LEPROT: variants seen among roughly 807,000 people sequenced by gnomAD.
The protein encoded by LEPROT is leptin receptor overlapping transcript.
LEPROT carries 3 observed loss-of-function variants against 15.4 expected under a neutral mutation model. The observed-to-expected ratio is 0.19, with a 90% CI of 0.09 to 0.50. The LOEUF is 0.50. LEPROT is among the 20% of genes least tolerant of loss of function. LEPROT has a pLI of 0.97. For synonymous variants in LEPROT, 59 were observed against 57.5 expected (o/e 1.03, Z -0.12); for missense variants, 137 against 162.2 (o/e 0.84, Z 0.84).
At chr1:65,429,758 C>A in intron 2 of LEPROT, 104 bp from the exon 3 acceptor site, 1 of 1,007,226 alleles carries the variant, frequency 9.9e-7, no homozygotes, top group Non-Finnish European at 1.4e-6. Flanking sequence ...AATTTTTTGA[C>A]CTAAACATTT....
chr1:65,435,244 C>T lies in LEPROT; in HGVS notation c.*3325C>T. 2 of 985,000 alleles carry T rather than the reference C, an allele frequency of 2.0e-6. No homozygotes were observed. The highest frequency in any genetic ancestry group is 2.4e-6 in the Non-Finnish European group (2 of 829,580). 61.0% of individuals were successfully genotyped at this position (985,000 alleles called of 1,614,324 possible). ...TCTTACTGTCCTAAGGAAGTCCTTACCTCTGAGGTATCTCCTCAATGAATA... is the reference window on the plus strand; with the variant it reads ...TCTTACTGTCCTAAGGAAGTCCTTATCTCTGAGGTATCTCCTCAATGAATA... On this transcript the variant is annotated 3_prime_UTR_variant, in exon 4 of 4. Coordinates refer to ENST00000371065, the MANE Select transcript of LEPROT (RefSeq NM_017526.5).
Position 65,426,562 on chromosome 1 carries a change from G to T in LEPROT, c.92+1184G>T, listed in dbSNP as rs112789636. On this transcript the variant is annotated intron_variant, in intron 2 of 3. Coordinates refer to ENST00000371065, the MANE Select transcript of LEPROT (RefSeq NM_017526.5). The stretch of plus-strand genomic sequence containing the variant: ...ATAAATCAAGCAAAATTGAGGGCTG[G>T]GGCAGTAGGAATGGAAAGAAAAGGA... Among the ~76,000 whole-genome samples the T allele has an allele frequency of 2.4e-3, 365 of 151,642 alleles. 1 individual carries two copies. The highest frequency in any genetic ancestry group is 8.0e-3 in the African/African-American group (331 of 41,490).
chr1:65,428,511 C>G (rs1646423453), intron 2 of LEPROT, among the ~76,000 whole-genome samples: 1 of 152,188 alleles, frequency 6.6e-6, no homozygotes, highest in South Asian at 2.1e-4. Context: ...AGTTTAAAAT[C>G]AGGGGTCCAA....
In LEPROT at chr1:65,433,053, GCAGGGAGGCTGGGCTC is replaced by G. The variant is rs1326529628; in HGVS notation, c.*1135_*1150del. 2 of 985,270 alleles carry G rather than the reference GCAGGGAGGCTGGGCTC, an allele frequency of 2.0e-6. No homozygotes were observed. The highest frequency in any genetic ancestry group is 3.5e-5 in the African/African-American group (2 of 57,228). The allele number at this position is 985,270 out of a possible 1,614,324, so 61.0% of individuals were successfully genotyped here. A position where few individuals can be genotyped will look rare whatever the true frequency, so the allele number is the denominator to read the frequency against. ...GGGGAAGAGCTCCACTGAGATGCGG[GCAGGGAGGCTGGGCTC>G]GAGCCAGCCCCTGCGTTAGCAGGAG... On this transcript the variant is annotated 3_prime_UTR_variant, in exon 4 of 4. Transcript: ENST00000371065.
At chr1:65,426,856 G>A (rs1646384201) in intron 2 of LEPROT, among the ~76,000 whole-genome samples, 1 of 152,264 alleles carries the variant, frequency 6.6e-6, no homozygotes, top group Admixed American at 6.5e-5. Flanking sequence ...AAATTAGCTG[G>A]GCGTGGTGGC....
Position 65,420,710 on chromosome 1 carries a change from C to T in LEPROT, c.-15C>T. ...GCAGGAAGCCGGAAGCAGCCGCGGC[C>T]CCAGTTCGGGAGACATGGCGGGCGT... On this transcript the variant is annotated 5_prime_UTR_variant, in exon 1 of 4. Transcript: ENST00000371065. The T allele has an allele frequency of 2.5e-6, 4 of 1,580,806 alleles. No homozygotes were observed. The highest frequency in any genetic ancestry group is 4.6e-5 in the East Asian group (2 of 43,228).
At position 65,433,552 on chromosome 1, in the gene LEPROT, A is replaced by G; in HGVS notation, c.*1633A>G. 1.0e-6 allele frequency: 1 copy of G among 985,428 alleles called. No homozygotes were observed. The highest frequency in any genetic ancestry group is 1.2e-6 in the Non-Finnish European group (1 of 829,922). The allele number at this position is 985,428 out of a possible 1,614,324, so 61.0% of individuals were successfully genotyped here. ...CTTAATCCTTGAGGCTTGTGATCTG[A>G]GTAATTAGCAGGTATGATGCTGGGA... On this transcript the variant is annotated 3_prime_UTR_variant, in exon 4 of 4. Coordinates refer to ENST00000371065, the MANE Select transcript of LEPROT (RefSeq NM_017526.5).
intron 2 of LEPROT, among the ~76,000 whole-genome samples, chr1:65,428,722 CAG>C (rs2101696073): frequency 6.6e-6 from 1 of 152,004 alleles, no homozygotes; most frequent in Non-Finnish European, 1.5e-5. Flanking sequence ...TAAAAATGAG[CAG>C]AGACTTTTTT....
intron 1 of LEPROT, among the ~76,000 whole-genome samples, 197 bp downstream of exon 1, chr1:65,420,937 C>A (rs1191751043): frequency 6.6e-6 from 1 of 152,178 alleles, no homozygotes; most frequent in Non-Finnish European, 1.5e-5. Flanking sequence ...GGAGCCTTGG[C>A]CCTTTTTGCA....
In LEPROT at chr1:65,434,908, A is replaced by G. The variant is rs2100248204; in HGVS notation, c.*2989A>G. On this transcript the variant is annotated 3_prime_UTR_variant, in exon 4 of 4. Transcript: ENST00000371065. ...CTGAGAAGAAAGCAGATCACACTTCATCACAGAAAGAATGCCTTGTGATTA... is the reference window on the plus strand; with the variant it reads ...CTGAGAAGAAAGCAGATCACACTTCGTCACAGAAAGAATGCCTTGTGATTA... The G allele has an allele frequency of 1.0e-6, 1 of 985,488 alleles. No individual in the cohort carries two copies. The highest frequency in any genetic ancestry group is 1.1e-4 in the East Asian group (1 of 8,818). 61.0% of individuals were successfully genotyped at this position (985,488 alleles called of 1,614,324 possible).
intron 1 of LEPROT, among the ~76,000 whole-genome samples, chr1:65,424,806 C>T (rs992288514): frequency 1.3e-5 from 2 of 152,020 alleles, no homozygotes; most frequent in East Asian, 3.9e-4. Context: ...TTTCTCTCTT[C>T]TTATAAGGGC....
rs1225980676 is a variant in LEPROT, at chr1:65,425,357, G to C, written c.71G>C (p.Gly24Ala). 1 of 1,605,614 alleles carries C rather than the reference G, an allele frequency of 6.2e-7. No individual in the cohort carries two copies. The highest frequency in any genetic ancestry group is 8.5e-7 in the Non-Finnish European group (1 of 1,178,052). ...ATTGGACTGACTTTTCTTATGCTGGGATGTGCCTTAGAGGATTATGGGTAA... is the reference window on the plus strand; with the variant it reads ...ATTGGACTGACTTTTCTTATGCTGGCATGTGCCTTAGAGGATTATGGGTAA... ...GAIGLTFLMLGCALEDYGVYW... is the reference protein window; with the variant it reads ...GAIGLTFLMLACALEDYGVYW... Residue 24 changes from glycine to alanine, a missense_variant, in exon 2 of 4, where the codon GGA becomes GCA. Coordinates refer to ENST00000371065, the MANE Select transcript of LEPROT (RefSeq NM_017526.5).
At chr1:65,421,317 T>C in intron 1 of LEPROT, 1 of 1,529,928 alleles carries the variant, frequency 6.5e-7, no homozygotes, top group Non-Finnish European at 8.7e-7. Flanking sequence ...GTTTTCTCTG[T>C]TTATGGACAG....
intron 1 of LEPROT, among the ~76,000 whole-genome samples, chr1:65,421,030 C>T (rs570833175): frequency 1.3e-5 from 2 of 152,338 alleles, no homozygotes; most frequent in East Asian, 1.9e-4. Context: ...CGCCCTCCAC[C>T]TCTCCTGAGT....
At chr1:65,431,622 G>A (rs1646485374) in intron 3 of LEPROT, among the ~76,000 whole-genome samples, 181 bp from the exon 4 acceptor site, 1 of 152,154 alleles carries the variant, frequency 6.6e-6, no homozygotes, top group Non-Finnish European at 1.5e-5. Flanking sequence ...TAATTAACAA[G>A]CATCACAGAA....
chr1:65,435,082 G>A lies in LEPROT; in HGVS notation c.*3163G>A. The A allele has an allele frequency of 1.0e-6, 1 of 985,428 alleles. No individual in the cohort carries two copies. The highest frequency in any genetic ancestry group is 1.2e-6 in the Non-Finnish European group (1 of 829,954). The allele number at this position is 985,428 out of a possible 1,614,324, so 61.0% of individuals were successfully genotyped here. A position where few individuals can be genotyped will look rare whatever the true frequency, so the allele number is the denominator to read the frequency against. ...GAGAACGGAATGAAGAAAGATTCCA[G>A]CAGCTTATAGAAGGATAGCAATATT... On this transcript the variant is annotated 3_prime_UTR_variant, in exon 4 of 4. Coordinates refer to ENST00000371065, the MANE Select transcript of LEPROT (RefSeq NM_017526.5).
At position 65,421,440 on chromosome 1, in the gene LEPROT, G is replaced by A. The variant is rs990285440; in HGVS notation, c.16+700G>A. The A allele has an allele frequency of 1.8e-5, 28 of 1,535,942 alleles. No homozygotes were observed. The highest frequency in any genetic ancestry group is 3.3e-4 in the Middle Eastern group (2 of 6,012). ...CAATGCGAGACGGAAAAGGTTTTTTGCAAGGCTTCCTGTATTTTGGTAGGA... is the reference window on the plus strand; with the variant it reads ...CAATGCGAGACGGAAAAGGTTTTTTACAAGGCTTCCTGTATTTTGGTAGGA... On this transcript the variant is annotated intron_variant, in intron 1 of 3. Coordinates refer to ENST00000371065, the MANE Select transcript of LEPROT (RefSeq NM_017526.5).
chr1:65,425,866 C>A (rs1252137779), intron 2 of LEPROT, among the ~76,000 whole-genome samples: 7 of 152,152 alleles, frequency 4.6e-5, no homozygotes, highest in Admixed American at 4.6e-4. Context: ...CAGGGGAGGA[C>A]ATTCCAGGCA....
intron 1 of LEPROT, among the ~76,000 whole-genome samples, chr1:65,423,304 G>C (rs1023452153): frequency 6.6e-6 from 1 of 152,138 alleles, no homozygotes; most frequent in African/African-American, 2.4e-5. Flanking sequence ...AGTGAAAAGA[G>C]AGATGGGGTT....
Sources: allele counts gnomAD v4.1 joint callset (sites outside exome capture counted in the v4.1 genomes callset), GRCh38; gene constraint gnomAD v4.1.1; transcripts MANE v1.5; gene names NCBI Gene and HGNC (gene_info 2026-07-23, HGNC 2026-07-21).